The following UPRT variants were observed in gnomAD, a reference collection of about 807,000 sequenced individuals.
UPRT encodes uracil phosphoribosyltransferase homolog, also known as RP11-311P8.3.
A neutral mutation model predicts 22.6 loss-of-function variants in UPRT; 5 were observed. The ratio of observed to expected loss-of-function variants is 0.22; its 90% CI spans 0.12 to 0.47. The LOEUF (loss-of-function observed/expected upper bound fraction) is 0.47, where lower values mean the gene tolerates loss of function less well. Ranked by LOEUF, UPRT falls within the 20% of genes least tolerant of loss-of-function variation. UPRT has a pLI of 0.99. For missense variants in UPRT, 181 were observed against 239.9 expected (o/e 0.75, Z 1.62); for synonymous variants, 77 against 87.7 (o/e 0.88, Z 0.68).
intron 1 of UPRT, among the ~76,000 whole-genome samples, chrX:75,276,547 A>G (rs757911185): frequency 1.8e-5 from 2 of 111,421 alleles, no homozygotes; most frequent in Non-Finnish European, 3.8e-5. Flanking sequence ...TAAATCTTAC[A>G]TATACAACAA....
intron 4 of UPRT, among the ~76,000 whole-genome samples, chrX:75,210,339 G>A (rs1039308300): frequency 2.7e-5 from 3 of 111,292 alleles, no homozygotes; most frequent in Non-Finnish European, 5.7e-5. Flanking sequence ...TTACATATAT[G>A]TCATGCCAGG....
intron 4 of UPRT, among the ~76,000 whole-genome samples, chrX:75,260,274 T>C (rs1390572514): frequency 1.8e-5 from 2 of 112,326 alleles, no homozygotes; most frequent in African/African-American, 6.5e-5. Context: ...TAAATGTAAA[T>C]GGGCTAAATG....
At chrX:75,225,323 CCA>C (rs57493246) in intron 4 of UPRT, among the ~76,000 whole-genome samples, 2,513 of 81,989 alleles carry the variant, frequency 0.031, 30 homozygotes, top group Middle Eastern at 0.056. Flanking sequence ...AAACCAAAAA[CCA>C]CACACACACA....
In UPRT at chrX:75,192,826, ATTCC is replaced by A. The variant is rs751267285; in HGVS notation, c.-447+24950_-447+24953del. Among the ~76,000 whole-genome samples the A allele has an allele frequency of 1.2e-4, 13 of 111,966 alleles. No individual in the cohort carries two copies. The South Asian group carries it at 4.8e-3, about 42-fold the overall frequency. On this transcript the variant is annotated intron_variant, in intron 4 of 13. Coordinates refer to the UPRT transcript ENST00000652605. ...CTGTTTGCTTGGCAGATTTTTCTCC[ATTCC>A]TTTACTTTGAGCCTATGGGCATCAT... is the stretch of plus-strand genomic sequence containing the variant.
At chrX:75,279,767 A>G (rs758322102) in intron 1 of UPRT, among the ~76,000 whole-genome samples, 1 of 110,755 alleles carries the variant, frequency 9.0e-6, no homozygotes, top group East Asian at 2.8e-4. Context: ...ACACTGCATC[A>G]TATTTGTAGT....
intron 4 of UPRT, among the ~76,000 whole-genome samples, chrX:75,268,690 C>G (rs755637951): frequency 1.7e-5 from 1 of 57,989 alleles, no homozygotes; most frequent in South Asian, 1.2e-3. Flanking sequence ...CAGGGAAGGC[C>G]TTTGATAAAA....
At chrX:75,272,345 C>CACATATATATGAGT (rs2082612989), upstream of UPRT, among the ~76,000 whole-genome samples, 1 of 78,247 alleles carries the variant, frequency 1.3e-5, no homozygotes, top group Non-Finnish European at 2.3e-5. Flanking sequence ...TATATATATA[C>CACATATATATGAGT]ACATATATAT....
chrX:75,170,508 G>T (rs1320536998), intron 4 of UPRT, among the ~76,000 whole-genome samples: 1 of 111,880 alleles, frequency 8.9e-6, no homozygotes, highest in Non-Finnish European at 1.9e-5. Context: ...CAGATACTTG[G>T]TTGGTTAATT....
chrX:75,169,416 C>T (rs1315871931), intron 4 of UPRT, among the ~76,000 whole-genome samples: 1 of 111,829 alleles, frequency 8.9e-6, no homozygotes, highest in Non-Finnish European at 1.9e-5. Context: ...TTCACTGCAT[C>T]CACACCAACA....
At chrX:75,222,416 C>T (rs2082412812) in intron 4 of UPRT, among the ~76,000 whole-genome samples, 1 of 111,812 alleles carries the variant, frequency 8.9e-6, no homozygotes, top group East Asian at 2.8e-4. Flanking sequence ...TCTGTTCTTC[C>T]CTTCTGGTGG....
chrX:75,208,684 T>C (rs2082372861), intron 4 of UPRT, among the ~76,000 whole-genome samples: 1 of 111,061 alleles, frequency 9.0e-6, no homozygotes, highest in Non-Finnish European at 1.9e-5. Context: ...GATAGGGGTG[T>C]TGTGGGAAGA....
At chrX:75,294,934 A>C (rs1481700156) in intron 2 of UPRT, among the ~76,000 whole-genome samples, 2 of 111,464 alleles carry the variant, frequency 1.8e-5, no homozygotes, top group Non-Finnish European at 3.8e-5. Context: ...GGGCAAGCAT[A>C]ATCTTAGCCC....
At chrX:75,235,253 T>G (rs2082457340) in intron 4 of UPRT, among the ~76,000 whole-genome samples, 1 of 111,638 alleles carries the variant, frequency 9.0e-6, no homozygotes, top group Admixed American at 9.5e-5. Flanking sequence ...GTTGAATCCC[T>G]GAATAGAGCA....
chrX:75,300,726 G>A (rs1480084016), intron 5 of UPRT, 141 bp from the exon 6 acceptor site: 5 of 431,557 alleles, frequency 1.2e-5, no homozygotes, highest in Non-Finnish European at 2.0e-5. Context: ...GGTCAAGGCT[G>A]CAGTGGGCCG....
intron 4 of UPRT, among the ~76,000 whole-genome samples, chrX:75,170,422 A>G (rs1015039292): frequency 9.0e-6 from 1 of 111,700 alleles, no homozygotes; most frequent in Non-Finnish European, 1.9e-5. Context: ...GTCCATTTGC[A>G]TGGAATATCT....
chrX:75,168,734 G>A, intron 4 of UPRT, among the ~76,000 whole-genome samples: 1 of 110,799 alleles, frequency 9.0e-6, no homozygotes, highest in East Asian at 2.8e-4. Context: ...TCTCCATGTT[G>A]GTCAGGCTGG....
In UPRT at chrX:75,299,852, CA is replaced by C; in HGVS notation, c.681del (p.Asp228ThrfsTer9). On this transcript the variant is annotated frameshift_variant, in exon 5 of 7. Transcript: ENST00000373383. LOFTEE classifies it high-confidence loss of function. ...AAAGTATATTATGCCAAATTCCCCC[CA>C]GACATTTACCGGAGAAAAGTCCTTC... ...RAKVYYAKFP[P>X]DIYRRKVLLM... The C allele has an allele frequency of 8.3e-7, 1 of 1,211,577 alleles. No individual in the cohort carries two copies. Among genetic ancestry groups the C allele is most frequent in the Non-Finnish European group, 1.1e-6 (1 of 895,416 alleles).
intron 4 of UPRT, among the ~76,000 whole-genome samples, chrX:75,223,578 G>A (rs2082415983): frequency 9.0e-6 from 1 of 111,525 alleles, no homozygotes; most frequent in South Asian, 3.9e-4. Context: ...CTCTCTGTGG[G>A]CATCAGCTGA....
At chrX:75,169,159 T>A in intron 4 of UPRT, among the ~76,000 whole-genome samples, 1 of 112,281 alleles carries the variant, frequency 8.9e-6, no homozygotes, top group Non-Finnish European at 1.9e-5. Context: ...TATACTACAG[T>A]TTCTTTATTC....
Sources: allele counts gnomAD v4.1 joint callset (sites outside exome capture counted in the v4.1 genomes callset), GRCh38; gene constraint gnomAD v4.1.1; transcripts MANE v1.5; gene names NCBI Gene and HGNC (gene_info 2026-07-23, HGNC 2026-07-21).